The following CCDC60 variants were observed in gnomAD, a reference collection of about 807,000 sequenced individuals.
CCDC60 encodes coiled-coil domain-containing protein 60.
A neutral mutation model predicts 63.5 loss-of-function variants in CCDC60; 54 were observed. The observed-to-expected ratio is 0.85, with a 90% CI of 0.68 to 1.07. The LOEUF is 1.07. Ranked by LOEUF, CCDC60 falls within the 50% of genes least tolerant of loss-of-function variation. CCDC60 has a pLI of 0.00. For synonymous variants in CCDC60, 206 were observed against 238.8 expected, an observed-to-expected ratio of 0.86 and a Z score of 1.27; for missense variants, 651 against 684.3, an observed-to-expected ratio of 0.95 and a Z score of 0.54.
chr12:119,359,513 A>G (rs1260510204), intron 1 of CCDC60, among the ~76,000 whole-genome samples: 1 of 151,638 alleles, frequency 6.6e-6, no homozygotes, highest in East Asian at 1.9e-4. Context: ...TTTTAAATAT[A>G]TAGATAGATG....
intron 13 of CCDC60, among the ~76,000 whole-genome samples, chr12:119,535,915 T>C (rs1013853086): frequency 6.6e-6 from 1 of 152,234 alleles, no homozygotes; most frequent in Non-Finnish European, 1.5e-5. Context: ...GAGAGTTCTG[T>C]AGATGTCTAT....
At chr12:119,380,687 C>CA (rs1463182964) in intron 1 of CCDC60, among the ~76,000 whole-genome samples, 1 of 152,160 alleles carries the variant, frequency 6.6e-6, no homozygotes. Flanking sequence ...TTTTATTATG[C>CA]AAAGGAGAAA....
intron 4 of CCDC60, among the ~76,000 whole-genome samples, chr12:119,481,865 T>C (rs928724457): frequency 6.6e-6 from 1 of 151,678 alleles, no homozygotes; most frequent in Non-Finnish European, 1.5e-5. Context: ...TGGTTTTCCA[T>C]TCCTGAGTTA....
chr12:119,434,785 G>C (rs1325815626), intron 2 of CCDC60, among the ~76,000 whole-genome samples: 1 of 152,226 alleles, frequency 6.6e-6, no homozygotes, highest in African/African-American at 2.4e-5. Context: ...CCAGAGCAGA[G>C]TGAGAGAGGA....
chr12:119,347,813 G>T (rs1340859446), intron 1 of CCDC60, among the ~76,000 whole-genome samples: 2 of 152,120 alleles, frequency 1.3e-5, no homozygotes, highest in Non-Finnish European at 2.9e-5. Context: ...CTGCCTCATC[G>T]GGTTGTTGAG....
chr12:119,368,280 A>C (rs1374049391), intron 1 of CCDC60, among the ~76,000 whole-genome samples: 1 of 152,116 alleles, frequency 6.6e-6, no homozygotes, highest in Non-Finnish European at 1.5e-5. Flanking sequence ...CTGATGAAAG[A>C]ATTCCTGGGT....
chr12:119,531,156 A>T, intron 13 of CCDC60, 93 bp downstream of exon 13: 1 of 1,107,538 alleles, frequency 9.0e-7, no homozygotes. Context: ...CTGGGGACAC[A>T]AAGTCCCCTG....
intron 2 of CCDC60, among the ~76,000 whole-genome samples, chr12:119,468,183 G>A (rs1167499784): frequency 6.6e-6 from 1 of 152,060 alleles, no homozygotes; most frequent in Non-Finnish European, 1.5e-5. Flanking sequence ...TCCCAGCTAC[G>A]CAGGAGGCTG....
intron 1 of CCDC60, among the ~76,000 whole-genome samples, chr12:119,347,072 C>A (rs1333870228): frequency 6.6e-6 from 1 of 152,032 alleles, no homozygotes; most frequent in Non-Finnish European, 1.5e-5. Flanking sequence ...ATCCACCCAC[C>A]TCAGCCTCTC....
At chr12:119,337,824 TTGTGTGTGTG>T (rs60009617) in intron 1 of CCDC60, among the ~76,000 whole-genome samples, 203 of 140,646 alleles carry the variant, frequency 1.4e-3, no homozygotes, top group East Asian at 3.6e-3. Flanking sequence ...GTGTGTGTAT[TTGTGTGTGTG>T]TGTGTGTGTG....
chr12:119,498,331 C>CT lies in CCDC60; in HGVS notation c.558-1737dup, dbSNP rs368939664. On this transcript the variant is annotated intron_variant, in intron 5 of 13. Transcript: ENST00000327554. ...AAACCAAAGCAGTTCTGTTCATCCT[C>CT]TTTTTTTTTTCTTTTTTTGAGACGG... 6.8e-3 allele frequency among the ~76,000 whole-genome samples: 1,015 copies of CT among 149,704 alleles called. 6 individuals are homozygous for CT. The highest frequency in any genetic ancestry group is 0.018 in the African/African-American group (724 of 40,926).
At chr12:119,364,283 G>A (rs1592993250) in intron 1 of CCDC60, among the ~76,000 whole-genome samples, 2 of 151,996 alleles carry the variant, frequency 1.3e-5, no homozygotes, top group Non-Finnish European at 2.9e-5. Flanking sequence ...GAGATTTGAC[G>A]ATTGTATGCA....
chr12:119,501,967 C>T (rs956500291), intron 6 of CCDC60, among the ~76,000 whole-genome samples: 1 of 152,152 alleles, frequency 6.6e-6, no homozygotes, highest in African/African-American at 2.4e-5. Context: ...AGTTTGTCTA[C>T]CTATAAAATG....
chr12:119,438,786 G>T (rs540129573), intron 2 of CCDC60, among the ~76,000 whole-genome samples: 25 of 152,298 alleles, frequency 1.6e-4, no homozygotes, highest in African/African-American at 4.8e-4. Context: ...TGTCAGCTGG[G>T]TGACCTTGGG....
At position 119,335,213 on chromosome 12, in the gene CCDC60, TC is replaced by T. The variant is rs754377615; in HGVS notation, c.42del (p.Asn15ThrfsTer14). ...KVPATKKLQS[S>X]PNSGAVRPFY... ...TCCAGCCACCAAGAAGCTTCAGAGT[TC>T]CCCCAACTCGGGGGCTGTCCGGCCC... On this transcript the variant is annotated frameshift_variant, in exon 1 of 14. Transcript: ENST00000327554. LOFTEE classifies it high-confidence loss of function. 2.7e-5 allele frequency: 44 copies of T among 1,606,268 alleles called. No homozygotes were observed. The highest frequency in any genetic ancestry group is 3.5e-5 in the Non-Finnish European group (41 of 1,176,900).
At chr12:119,524,476 T>C (rs1212235789) in intron 11 of CCDC60, 51 of 982,310 alleles carry the variant, frequency 5.2e-5, no homozygotes, top group Non-Finnish European at 6.2e-5. Flanking sequence ...TGCACTCTCA[T>C]TTTCACAGCA....
At chr12:119,490,561 C>T (rs1200573339) in intron 5 of CCDC60, among the ~76,000 whole-genome samples, 1 of 150,358 alleles carries the variant, frequency 6.7e-6, no homozygotes, top group African/African-American at 2.5e-5. Flanking sequence ...TTCATGCCTT[C>T]TTCTTCTTTT....
intron 2 of CCDC60, among the ~76,000 whole-genome samples, chr12:119,450,732 C>A (rs954197550): frequency 6.6e-6 from 1 of 152,124 alleles, no homozygotes; most frequent in African/African-American, 2.4e-5. Context: ...GTGGTGCGTG[C>A]CTGTAGTCCC....
At chr12:119,437,827 T>A (rs2136250605) in intron 2 of CCDC60, among the ~76,000 whole-genome samples, 1 of 152,330 alleles carries the variant, frequency 6.6e-6, no homozygotes, top group South Asian at 2.1e-4. Flanking sequence ...GTTCAATATC[T>A]TGGAAGCAGG....
Sources: allele counts gnomAD v4.1 joint callset (sites outside exome capture counted in the v4.1 genomes callset), GRCh38; gene constraint gnomAD v4.1.1; transcripts MANE v1.5; gene names NCBI Gene and HGNC (gene_info 2026-07-23, HGNC 2026-07-21).